KLHL7: variants seen among roughly 807,000 people sequenced by gnomAD.
The protein encoded by KLHL7 is kelch like family member 7.
Under a neutral mutation model 67.4 loss-of-function variants are expected in KLHL7, and 44 were observed. The ratio of observed to expected loss-of-function variants is 0.65; its 90% confidence interval spans 0.51 to 0.84. KLHL7 has a LOEUF of 0.84. KLHL7 is among the 40% of genes least tolerant of loss of function. The pLI is 0.00. For synonymous variants in KLHL7, 252 were observed against 243.3 expected (o/e 1.04, Z -0.33); for missense variants, 362 against 718.1 (o/e 0.50, Z 5.67).
At chr7:23,148,253 AT>A (rs1005266965) in intron 6 of KLHL7, among the ~76,000 whole-genome samples, 40 of 152,038 alleles carry the variant, frequency 2.6e-4, no homozygotes, top group Non-Finnish European at 3.7e-4. Context: ...CCAAATGCAT[AT>A]TTTTTTTAAT....
chr7:23,157,510 G>A (rs1784742008), intron 7 of KLHL7, among the ~76,000 whole-genome samples: 1 of 152,190 alleles, frequency 6.6e-6, no homozygotes, highest in Admixed American at 6.5e-5. Context: ...TTGTTAGACA[G>A]GTGGTCTTCA....
chr7:23,153,230 G>C (rs55788996), intron 7 of KLHL7, among the ~76,000 whole-genome samples: 1 of 151,666 alleles, frequency 6.6e-6, no homozygotes, highest in Admixed American at 6.6e-5. Flanking sequence ...GCGGCGGGGG[G>C]GCTACAACGC....
intron 4 of KLHL7, among the ~76,000 whole-genome samples, chr7:23,139,922 A>C (rs1444307739): frequency 7.0e-6 from 1 of 143,296 alleles, no homozygotes; most frequent in Non-Finnish European, 1.5e-5. Context: ...TTTTTTCCTT[A>C]ACCTTTCAAA....
intron 1 of KLHL7, among the ~76,000 whole-genome samples, chr7:23,113,172 G>A (rs1208601088): frequency 6.6e-6 from 1 of 152,146 alleles, no homozygotes; most frequent in African/African-American, 2.4e-5. Context: ...CTAAAATGAA[G>A]GAGTAAGAAG....
intron 9 of KLHL7, among the ~76,000 whole-genome samples, chr7:23,169,158 C>T (rs565992031): frequency 5.9e-5 from 9 of 151,944 alleles, no homozygotes; most frequent in Non-Finnish European, 1.0e-4. Flanking sequence ...ACTGGGGAGG[C>T]TGAAGCAGGA....
In KLHL7 at chr7:23,174,428, A is replaced by G. The variant is rs998045656; in HGVS notation, c.*130A>G. On this transcript the variant is annotated 3_prime_UTR_variant, in exon 11 of 11. Transcript: ENST00000339077. ...AAGTTTCAAGTGAAATGAGGTTCCT[A>G]TAAAATAGATGTTTCTTTTATATGG... 1.6e-5 allele frequency: 14 copies of G among 888,412 alleles called. No individual in the cohort carries two copies. Among genetic ancestry groups the G allele is most frequent in the Non-Finnish European group, 2.4e-5 (13 of 547,928 alleles). The allele number at this position is 888,412 out of a possible 1,614,324, so 55.0% of individuals were successfully genotyped here.
In KLHL7 at chr7:23,143,918, T is replaced by C. The variant is rs777947113; in HGVS notation, c.686T>C (p.Ile229Thr). The C allele has an allele frequency of 6.2e-7, 1 of 1,614,158 alleles. No individual in the cohort carries two copies. The highest frequency in any genetic ancestry group is 2.2e-5 in the East Asian group (1 of 44,876). Residue 229 changes from isoleucine (I) to threonine (T), a missense_variant, in exon 6 of 11, where the codon ATC becomes ACC. Ile to Thr is a moderately conservative substitution (Grantham distance 89). Transcript: ENST00000339077. ...EPNRQPFMVDILAKVRFPLIS... is the reference protein window; with the variant it reads ...EPNRQPFMVDTLAKVRFPLIS... ...AATCGCCAGCCATTTATGGTTGATATCCTTGCTAAAGTCAGGTTTCCTCTT... is the reference window on the plus strand; with the variant it reads ...AATCGCCAGCCATTTATGGTTGATACCCTTGCTAAAGTCAGGTTTCCTCTT...
chr7:23,173,097 T>C, intron 10 of KLHL7, 52 bp downstream of exon 10: 3 of 1,243,158 alleles, frequency 2.4e-6, no homozygotes, highest in Non-Finnish European at 3.6e-6. Flanking sequence ...TGCTGATACT[T>C]CCTTAAATTA....
intron 6 of KLHL7, 61 bp from the exon 7 acceptor site, chr7:23,152,006 G>C (rs2178140): frequency 0.36 from 552,370 of 1,550,276 alleles, 104,185 homozygotes; most frequent in African/African-American, 0.68. Flanking sequence ...TGGGTATTTC[G>C]TTTTCAAAGC....
At chr7:23,145,875 C>T (rs1038635843) in intron 6 of KLHL7, among the ~76,000 whole-genome samples, 2 of 152,144 alleles carry the variant, frequency 1.3e-5, no homozygotes, top group African/African-American at 2.4e-5. Flanking sequence ...GGACTACAGG[C>T]ACACACCACT....
At chr7:23,156,867 C>T (rs1784721348) in intron 7 of KLHL7, among the ~76,000 whole-genome samples, 1 of 152,112 alleles carries the variant, frequency 6.6e-6, no homozygotes, top group Non-Finnish European at 1.5e-5. Flanking sequence ...TATAACTTTA[C>T]ATAATTTTCT....
rs1416656330 is a variant in KLHL7 at position 23,122,697 on chromosome 7, C to G, written c.121-1080C>G. On this transcript the variant is annotated intron_variant, in intron 1 of 10. Coordinates refer to ENST00000339077, the MANE Select transcript of KLHL7 (RefSeq NM_001031710.3). ...TTTGAGGCTTATTTTCTCTCTCATT[C>G]TAAACATTATTATTTTATTTTATCT... is the stretch of plus-strand genomic sequence containing the variant. Among the ~76,000 whole-genome samples the G allele has an allele frequency of 2.0e-5, 3 of 152,106 alleles. No individual in the cohort carries two copies. The East Asian group carries it at 5.8e-4, about 29-fold the overall frequency.
chr7:23,114,866 T>TA (rs967221570), intron 1 of KLHL7, among the ~76,000 whole-genome samples: 2 of 152,210 alleles, frequency 1.3e-5, no homozygotes, highest in African/African-American at 4.8e-5. Context: ...AATGACAGCC[T>TA]AAAGCACTCC....
intron 4 of KLHL7, among the ~76,000 whole-genome samples, chr7:23,130,176 T>G (rs770276807): frequency 2.0e-5 from 3 of 152,196 alleles, no homozygotes; most frequent in Non-Finnish European, 2.9e-5. Flanking sequence ...TAGTAGTCTT[T>G]TTTCTTCAGT....
intron 6 of KLHL7, among the ~76,000 whole-genome samples, chr7:23,150,813 A>G (rs1784508221): frequency 6.6e-6 from 1 of 152,234 alleles, no homozygotes. Context: ...CAATCTGATA[A>G]GTGAAAAAAG....
chr7:23,167,792 G>T (rs773828143), intron 8 of KLHL7, 44 bp from the exon 9 acceptor site: 4 of 1,566,226 alleles, frequency 2.6e-6, no homozygotes, highest in Admixed American at 3.3e-5. Context: ...CCAAACCCCC[G>T]CACACACTAA....
Position 23,143,867 on chromosome 7 carries a change from T to G in KLHL7, c.635T>G (p.Val212Gly). 1 of 1,614,144 alleles carries G rather than the reference T, an allele frequency of 6.2e-7. No individual in the cohort carries two copies. Among genetic ancestry groups the G allele is most frequent in the Non-Finnish European group, 8.5e-7 (1 of 1,180,002 alleles). ...CCCCCTTAGGTTTATGATGCTGCAG[T>G]CAGGTGGTTGAAATACGATGAACCT... is the stretch of plus-strand genomic sequence containing the variant. ...RAEDQVYDAAVRWLKYDEPNR... is the reference protein window; with the variant it reads ...RAEDQVYDAAGRWLKYDEPNR... The change falls in exon 6 of 11, where the codon GTC becomes GGC. Residue 212 changes from valine to glycine, a missense_variant. Val to Gly is a moderately radical substitution (Grantham distance 109, BLOSUM62 -3). Coordinates refer to ENST00000339077, the MANE Select transcript of KLHL7 (RefSeq NM_001031710.3).
At chr7:23,146,642 G>GTTCTTCTTCTTCTTC (rs763440560) in intron 6 of KLHL7, among the ~76,000 whole-genome samples, 1 of 148,768 alleles carries the variant, frequency 6.7e-6, no homozygotes, top group African/African-American at 2.5e-5. Context: ...CACTTATAGA[G>GTTCTTCTTCTTCTTC]TTCTTCTTCT....
chr7:23,167,954 CTA>C lies in KLHL7; in HGVS notation c.1298_1299del (p.Tyr433CysfsTer16), dbSNP rs1426201872. On this transcript the variant is annotated frameshift_variant, in exon 9 of 11. Transcript: ENST00000339077. LOFTEE classifies it high-confidence loss of function. ...GGATGGTGGAAGCCAATGGCCTAATCTATGTTTGTGGTGGAAGTTTAGGAAAC... is the reference window on the plus strand; with the variant it reads ...GGATGGTGGAAGCCAATGGCCTAATCTGTTTGTGGTGGAAGTTTAGGAAAC... The part of the protein sequence containing the change: ...HGMVEANGLI[Y>X]VCGGSLGNNV... The C allele has an allele frequency of 3.1e-6, 5 of 1,614,090 alleles. No individual in the cohort carries two copies. The highest frequency in any genetic ancestry group is 4.2e-6 in the Non-Finnish European group (5 of 1,180,042).
Sources: gnomAD v4.1 joint callset for allele counts (sites outside exome capture counted in the v4.1 genomes callset) on GRCh38, gnomAD v4.1.1 for gene constraint, MANE v1.5 for transcripts, NCBI Gene and HGNC (gene_info 2026-07-23, HGNC 2026-07-21) for gene names.